The following PRAMEF6 variants were observed in gnomAD, a reference collection of about 807,000 sequenced individuals.
PRAMEF6 encodes PRAME family member 6.
For missense variants in PRAMEF6, 29 were observed against 349.2 expected (o/e 0.08, Z 7.31); for synonymous variants, 8 against 134.4 (o/e 0.06, Z 6.51).
intron 3 of PRAMEF6, among the ~76,000 whole-genome samples, chr1:12,939,750 C>G (rs1292758097): frequency 1.0e-5 from 1 of 95,646 alleles, no homozygotes; most frequent in African/African-American, 5.0e-5. Context: ...GAGGCTGAGT[C>G]ACTTCACCAT....
rs558102247 is a variant in PRAMEF6 at position 12,941,705 on chromosome 1, C to T, written c.288-140G>A. On this transcript the variant is annotated intron_variant, in intron 2 of 3. Coordinates refer to ENST00000376189, the MANE Select transcript of PRAMEF6 (RefSeq NM_001010889.2). ...TCTTCACCCTGTTTTCCCCTTGGAT[C>T]CTGCCCACTTCCACATTTTTTTGTT... 2 of 970,820 alleles carry T rather than the reference C, an allele frequency of 2.1e-6. 1 individual carries two copies. The highest frequency in any genetic ancestry group is 5.6e-5 in the East Asian group (2 of 35,742). 60.1% of individuals were successfully genotyped at this position (970,820 alleles called of 1,614,324 possible).
chr1:12,940,904 G>A lies in PRAMEF6; in HGVS notation c.869+80C>T. ...TTCACTGTTTCATCCTCATAGGCTGGCTCACAGTAGATGCCCACTAGCGTT... is the reference window on the plus strand; with the variant it reads ...TTCACTGTTTCATCCTCATAGGCTGACTCACAGTAGATGCCCACTAGCGTT... On this transcript the variant is annotated intron_variant, in intron 3 of 3. Coordinates refer to ENST00000376189, the MANE Select transcript of PRAMEF6 (RefSeq NM_001010889.2). 3.6e-5 allele frequency: 4 copies of A among 109,718 alleles called. No homozygotes were observed. In the East Asian group the frequency reaches 6.1e-4, roughly 17 times the overall value. The allele number at this position is 109,718 out of a possible 1,614,324, so 6.8% of individuals were successfully genotyped here. A position where few individuals can be genotyped will look rare whatever the true frequency, so the allele number is the denominator to read the frequency against.
intron 3 of PRAMEF6, among the ~76,000 whole-genome samples, chr1:12,939,698 C>T (rs1641697002): frequency 8.9e-6 from 1 of 112,640 alleles, no homozygotes; most frequent in African/African-American, 4.1e-5. Context: ...CAGAGAGAGA[C>T]TCCGCATTAA....
chr1:12,947,473 CTG>C (rs1641768153), intron 1 of PRAMEF6, 42 bp downstream of exon 1: 1 of 143,034 alleles, frequency 7.0e-6, no homozygotes, highest in Non-Finnish European at 1.5e-5. Context: ...GACCGACTGA[CTG>C]TAGGTCAGAT....
chr1:12,941,815 G>T (rs1226188669), intron 2 of PRAMEF6, among the ~76,000 whole-genome samples: 2 of 104,992 alleles, frequency 1.9e-5, no homozygotes, highest in Non-Finnish European at 3.6e-5. Context: ...CTGCTTCCCG[G>T]GTTCAAATGA....
At position 12,941,863 on chromosome 1, in the gene PRAMEF6, G is replaced by A. The variant is rs559718934; in HGVS notation, c.288-298C>T. Among the ~76,000 whole-genome samples the A allele has an allele frequency of 6.9e-5, 6 of 86,978 alleles. 1 individual carries two copies. The South Asian group carries it at 2.8e-3, about 40-fold the overall frequency. 57.1% of individuals were successfully genotyped at this position (86,978 alleles called of 152,430 possible). On this transcript the variant is annotated intron_variant, in intron 2 of 3. Transcript: ENST00000376189. ...AACCTCACAAGTAGCTGGGATTACA[G>A]GAACCCACCACCATGCCCAGCTAAT...
intron 1 of PRAMEF6, among the ~76,000 whole-genome samples, chr1:12,943,119 G>T (rs1228517802): frequency 3.6e-4 from 38 of 106,444 alleles, no homozygotes; most frequent in Middle Eastern, 5.3e-3. Flanking sequence ...TTTCTTTCTT[G>T]TCTTCTTTCC....
At chr1:12,941,759 C>A (rs1169844544) in intron 2 of PRAMEF6, among the ~76,000 whole-genome samples, 194 bp from the exon 3 acceptor site, 2 of 114,450 alleles carry the variant, frequency 1.7e-5, no homozygotes, top group Middle Eastern at 4.7e-3. Context: ...CTCCCTCTGT[C>A]ACCCAGGCTG....
At chr1:12,941,774 G>T (rs1641723638) in intron 2 of PRAMEF6, among the ~76,000 whole-genome samples, 2 of 112,566 alleles carry the variant, frequency 1.8e-5, no homozygotes, top group Admixed American at 1.7e-4. Flanking sequence ...AGGCTGGAGT[G>T]CAGTGGTGTG....
chr1:12,942,830 T>TA (rs71281871), intron 1 of PRAMEF6, among the ~76,000 whole-genome samples: 5,100 of 74,280 alleles, frequency 0.069, 82 homozygotes, highest in Middle Eastern at 0.17. Flanking sequence ...GAACCCCTCC[T>TA]ACCATTGGGG....
At chr1:12,945,983 A>AAAAAAAAAAAAC (rs1641755054) in intron 1 of PRAMEF6, among the ~76,000 whole-genome samples, 1 of 23,564 alleles carries the variant, frequency 4.2e-5, no homozygotes, top group Non-Finnish European at 8.2e-5. Flanking sequence ...CTAGATTCAA[A>AAAAAAAAAAAAC]AAAAAAAAAA....
chr1:12,939,916 C>T (rs1289345484), intron 3 of PRAMEF6, among the ~76,000 whole-genome samples: 4 of 10,560 alleles, frequency 3.8e-4, no homozygotes, highest in East Asian at 2.4e-3. Context: ...CTACGGTGGG[C>T]GGGCTGCAGG....
In PRAMEF6 at chr1:12,941,808, C is replaced by T. The variant is rs1229202777; in HGVS notation, c.288-243G>A. 6.5e-5 allele frequency among the ~76,000 whole-genome samples: 7 copies of T among 107,408 alleles called. 1 individual carries two copies. The allele number at this position is 107,408 out of a possible 152,430, so 70.5% of individuals were successfully genotyped here. ...TGATGTCACCTCACTGCAACCTCTG[C>T]TTCCCGGGTTCAAATGATTCTCCTG... is the stretch of plus-strand genomic sequence containing the variant. On this transcript the variant is annotated intron_variant, in intron 2 of 3. Transcript: ENST00000376189.
At chr1:12,943,066 CCT>C (rs1192631514) in intron 1 of PRAMEF6, among the ~76,000 whole-genome samples, 2 of 146,780 alleles carry the variant, frequency 1.4e-5, no homozygotes, top group Non-Finnish European at 3.0e-5. Context: ...TTTCTTTCCT[CCT>C]CTCTCTCCCT....
rs2994103 is a variant in PRAMEF6 at position 12,939,426 on chromosome 1, G to A, written c.870-190C>T. Among the ~76,000 whole-genome samples the A allele has an allele frequency of 3.3e-4, 34 of 104,604 alleles. 2 individuals carry two copies. Among genetic ancestry groups the A allele is most frequent in the African/African-American group, 7.5e-4 (14 of 18,782 alleles). The allele number at this position is 104,604 out of a possible 152,430, so 68.6% of individuals were successfully genotyped here. ...GCCACCGAGGTCAATTCCACTTTAG[G>A]CCCGGCCCAGTAACTCACACCTGTA... On this transcript the variant is annotated intron_variant, in intron 3 of 3. Transcript: ENST00000376189.
rs1641674459 is a variant in PRAMEF6, at chr1:12,938,553, T to C, written c.*122A>G. 9.2e-7 allele frequency: 1 copy of C among 1,086,654 alleles called. No individual in the cohort carries two copies. 67.3% of individuals were successfully genotyped at this position (1,086,654 alleles called of 1,614,324 possible). A position where few individuals can be genotyped will look rare whatever the true frequency, so the allele number is the denominator to read the frequency against. On this transcript the variant is annotated 3_prime_UTR_variant, in exon 4 of 4. Coordinates refer to ENST00000376189, the MANE Select transcript of PRAMEF6 (RefSeq NM_001010889.2). The stretch of plus-strand genomic sequence containing the variant: ...CTTGATCACCTTCCCTTTCCCACTT[T>C]CAGAGCCCATGTGTGAAATGATGGG...
At chr1:12,941,820 A>T (rs1641724375) in intron 2 of PRAMEF6, among the ~76,000 whole-genome samples, 2 of 103,882 alleles carry the variant, frequency 1.9e-5, no homozygotes, top group Non-Finnish European at 3.6e-5. Context: ...TCCCGGGTTC[A>T]AATGATTCTC....
At position 12,941,768 on chromosome 1, in the gene PRAMEF6, T is replaced by C. The variant is rs1641723506; in HGVS notation, c.288-203A>G. ...CCAAGTCTCCCTCTGTCACCCAGGCTGGAGTGCAGTGGTGTGATGTCACCT... is the reference window on the plus strand; with the variant it reads ...CCAAGTCTCCCTCTGTCACCCAGGCCGGAGTGCAGTGGTGTGATGTCACCT... On this transcript the variant is annotated intron_variant, in intron 2 of 3. Coordinates refer to ENST00000376189, the MANE Select transcript of PRAMEF6 (RefSeq NM_001010889.2). 1.8e-5 allele frequency among the ~76,000 whole-genome samples: 2 copies of C among 113,892 alleles called. 1 individual carries two copies. Among genetic ancestry groups the C allele is most frequent in the African/African-American group, 9.5e-5 (2 of 21,058 alleles). 74.7% of individuals were successfully genotyped at this position (113,892 alleles called of 152,430 possible). A position where few individuals can be genotyped will look rare whatever the true frequency, so the allele number is the denominator to read the frequency against.
chr1:12,939,801 T>C (rs1641698667), intron 3 of PRAMEF6, among the ~76,000 whole-genome samples: 1 of 54,008 alleles, frequency 1.9e-5, no homozygotes, highest in African/African-American at 1.0e-4. Flanking sequence ...TCCCTAAAGC[T>C]CCCTTTCCTC....
Sources: allele counts gnomAD v4.1 joint callset (sites outside exome capture counted in the v4.1 genomes callset), GRCh38; gene constraint gnomAD v4.1.1; transcripts MANE v1.5; gene names NCBI Gene and HGNC (gene_info 2026-07-23, HGNC 2026-07-21).